The following SLC4A1AP variants were observed in gnomAD, a reference collection of about 807,000 sequenced individuals.
SLC4A1AP encodes solute carrier family 4 member 1 adaptor protein.
SLC4A1AP carries 64 observed loss-of-function variants against 89.7 expected under a neutral mutation model. The observed-to-expected ratio is 0.71, with a 90% confidence interval of 0.58 to 0.88. SLC4A1AP has a LOEUF of 0.88. SLC4A1AP is among the 40% of genes least tolerant of loss of function. The probability of loss-of-function intolerance (pLI) is 0.00; values close to 1 mark genes in which losing one functional copy is unlikely to be tolerated. For missense variants in SLC4A1AP, 931 were observed against 965.0 expected, an observed-to-expected ratio of 0.96 and a Z score of 0.47; for synonymous variants, 366 against 353.3, an observed-to-expected ratio of 1.04 and a Z score of -0.40.
intron 10 of SLC4A1AP, 106 bp downstream of exon 10, chr2:27,685,383 A>G (rs1354402430): frequency 1.6e-5 from 23 of 1,422,954 alleles, no homozygotes; most frequent in African/African-American, 2.9e-5. Flanking sequence ...TTGACTTTGT[A>G]TGTGATATAC....
At chr2:27,693,909 T>A (rs1242954761) in intron 13 of SLC4A1AP, among the ~76,000 whole-genome samples, 155 bp downstream of exon 13, 1 of 152,230 alleles carries the variant, frequency 6.6e-6, no homozygotes, top group East Asian at 1.9e-4. Flanking sequence ...AACAACTGTT[T>A]AAAAAAATTA....
intron 4 of SLC4A1AP, 82 bp from the exon 5 acceptor site, chr2:27,669,166 T>A (rs1398466198): frequency 5.7e-6 from 8 of 1,393,738 alleles, no homozygotes; most frequent in Non-Finnish European, 7.8e-6. Flanking sequence ...AAAAAAAAAA[T>A]GACTATTATC....
intron 2 of SLC4A1AP, 109 bp downstream of exon 2, chr2:27,665,404 T>A (rs1016248961): frequency 2.2e-6 from 2 of 898,006 alleles, no homozygotes. Context: ...TTGAGATAGA[T>A]AGGGCAAACA....
intron 5 of SLC4A1AP, among the ~76,000 whole-genome samples, chr2:27,673,425 TCCC>T (rs1558506676): frequency 6.5e-5 from 3 of 45,946 alleles, no homozygotes; most frequent in African/African-American, 2.6e-4. Flanking sequence ...CCTCCCTCCC[TCCC>T]TCCCTCCCTC....
At chr2:27,666,359 A>ACCAC (rs1553363254) in intron 2 of SLC4A1AP, among the ~76,000 whole-genome samples, 10 of 3,364 alleles carry the variant, frequency 3.0e-3, no homozygotes, top group East Asian at 0.015. Context: ...TCCACCCCCC[A>ACCAC]CCCCCCCCCC....
chr2:27,664,117 A>T, exon 1 of SLC4A1AP: 3 of 1,614,172 alleles, frequency 1.9e-6, no homozygotes, highest in South Asian at 1.1e-5. Flanking sequence ...CCTCCTCCTC[A>T]GCCGGACTGC....
At chr2:27,665,878 A>C (rs543951759) in intron 2 of SLC4A1AP, among the ~76,000 whole-genome samples, 2 of 152,336 alleles carry the variant, frequency 1.3e-5, no homozygotes, top group South Asian at 4.1e-4. Context: ...AAATTATGAA[A>C]TTACTTGTGC....
At position 27,667,257 on chromosome 2, in the gene SLC4A1AP, A is replaced by G. The variant is rs1267248685; in HGVS notation, c.1022-11A>G. 2 of 1,600,024 alleles carry G rather than the reference A, an allele frequency of 1.2e-6. No homozygotes were observed. Among genetic ancestry groups the G allele is most frequent in the Admixed American group, 3.5e-5 (2 of 56,620 alleles). ...TCTGATTATCTTTTCTTTCTTTTCC[A>G]TATCCTGTAGGAGAAGATGCAGTAG... On this transcript the variant is annotated splice_polypyrimidine_tract_variant and intron_variant, in intron 2 of 13. Coordinates refer to ENST00000613058, the Ensembl canonical transcript of SLC4A1AP.
At chr2:27,670,579 G>C (rs189753152) in intron 5 of SLC4A1AP, among the ~76,000 whole-genome samples, 1 of 151,590 alleles carries the variant, frequency 6.6e-6, no homozygotes, top group Non-Finnish European at 1.5e-5. Flanking sequence ...TTTCTTGGCC[G>C]GGCGCGGTTG....
At chr2:27,692,765 T>C (rs1675808475) in intron 12 of SLC4A1AP, 2 of 152,208 alleles carry the variant, frequency 1.3e-5, no homozygotes, top group African/African-American at 4.8e-5. Context: ...TTTTTCAGTG[T>C]TGTTGCTTTA....
intron 8 of SLC4A1AP, among the ~76,000 whole-genome samples, chr2:27,680,887 C>T (rs945035071): frequency 6.6e-6 from 1 of 151,310 alleles, no homozygotes; most frequent in Non-Finnish European, 1.5e-5. Context: ...TCCTCCAGAG[C>T]CTCCTCTCCT....
At chr2:27,666,722 T>A (rs1675333270) in intron 2 of SLC4A1AP, among the ~76,000 whole-genome samples, 1 of 151,922 alleles carries the variant, frequency 6.6e-6, no homozygotes, top group East Asian at 1.9e-4. Context: ...AAAAAAAAAT[T>A]AAGGTGCCAT....
chr2:27,684,356 A>T (rs1675670392), intron 9 of SLC4A1AP, among the ~76,000 whole-genome samples: 1 of 150,858 alleles, frequency 6.6e-6, no homozygotes, highest in South Asian at 2.1e-4. Flanking sequence ...TGAACCGGGG[A>T]GGCAGAGGTT....
At chr2:27,675,857 T>C (rs1027073271) in intron 6 of SLC4A1AP, among the ~76,000 whole-genome samples, 165 bp downstream of exon 6, 1 of 152,254 alleles carries the variant, frequency 6.6e-6, no homozygotes, top group African/African-American at 2.4e-5. Flanking sequence ...AACAGACAAC[T>C]AGTCTTATCC....
chr2:27,664,335 TCTGG>T lies in SLC4A1AP; in HGVS notation c.587_590del (p.Gly196AlafsTer91), dbSNP rs1292828712. The T allele has an allele frequency of 1.2e-6, 2 of 1,614,198 alleles. No homozygotes were observed. Among genetic ancestry groups the T allele is most frequent in the Non-Finnish European group, 1.7e-6 (2 of 1,180,044 alleles). On this transcript the variant is annotated frameshift_variant, in exon 1 of 14. Transcript: ENST00000613058. LOFTEE classifies it high-confidence loss of function. ...GAGTTACTGCCTTTTCGGGAGGCTGTCTGGCTGCGACGTGTGCCTGGAGCACCCT... is the reference window on the plus strand; with the variant it reads ...GAGTTACTGCCTTTTCGGGAGGCTGTCTGCGACGTGTGCCTGGAGCACCCT...
chr2:27,678,041 C>T, intron 8 of SLC4A1AP, 117 bp downstream of exon 8: 1 of 656,002 alleles, frequency 1.5e-6, no homozygotes, highest in Non-Finnish European at 2.4e-6. Context: ...TGCAAGGAAC[C>T]CTTTAAAGCA....
At chr2:27,678,447 C>T (rs920698805) in intron 8 of SLC4A1AP, among the ~76,000 whole-genome samples, 3 of 151,890 alleles carry the variant, frequency 2.0e-5, no homozygotes, top group Admixed American at 6.6e-5. Context: ...GTAGGAGGAT[C>T]GCTTGAGCCC....
At chr2:27,689,132 T>C (rs944714479) in intron 12 of SLC4A1AP, among the ~76,000 whole-genome samples, 8 of 152,172 alleles carry the variant, frequency 5.3e-5, no homozygotes, top group Non-Finnish European at 1.2e-4. Context: ...TATTTATTTA[T>C]TTAAACCACT....
intron 5 of SLC4A1AP, among the ~76,000 whole-genome samples, chr2:27,673,618 C>T (rs1675467242): frequency 6.6e-6 from 1 of 152,004 alleles, no homozygotes; most frequent in South Asian, 2.1e-4. Context: ...TGCACACCAC[C>T]ATGCCCAGCT....
Sources: allele counts gnomAD v4.1 joint callset (sites outside exome capture counted in the v4.1 genomes callset), GRCh38; gene constraint gnomAD v4.1.1; transcripts MANE v1.5; gene names NCBI Gene and HGNC (gene_info 2026-07-23, HGNC 2026-07-21).